CYSLTR2: variants seen among roughly 807,000 people sequenced by gnomAD.
CYSLTR2 encodes G-protein coupled receptor GPCR21.
For missense variants in CYSLTR2, 398 were observed against 411.9 expected, an observed-to-expected ratio of 0.97 and a Z score of 0.29; for synonymous variants, 179 against 160.8, an observed-to-expected ratio of 1.11 and a Z score of -0.86.
intron 1 of CYSLTR2, among the ~76,000 whole-genome samples, chr13:48,667,388 G>C (rs1353207179): frequency 6.6e-6 from 1 of 152,242 alleles, no homozygotes; most frequent in Non-Finnish European, 1.5e-5. Flanking sequence ...CCTGGGGGGT[G>C]GAGGGCATGC....
rs56867010 is a variant in CYSLTR2 at position 48,707,717 on chromosome 13, C to T, written c.900C>T (p.Phe300=). 5.0e-3 allele frequency: 8,121 copies of T among 1,612,914 alleles called. 166 individuals carry two copies. In the African/African-American group the frequency reaches 0.062, roughly 12 times the overall value. ...CCTTGGCAGCAGCCAATGCCTGCTT[C>T]AATCCTCTGCTCTATTACTTTGCTG... ...TLALAAANAC[F]NPLLYYFAGE... The change falls in exon 5 of 5, where the codon TTC becomes TTT. Residue 300 remains phenylalanine, a synonymous_variant. Transcript: ENST00000682523.
chr13:48,686,472 A>T (rs2138917462), intron 1 of CYSLTR2, among the ~76,000 whole-genome samples: 1 of 152,332 alleles, frequency 6.6e-6, no homozygotes, highest in East Asian at 1.9e-4. Flanking sequence ...TCCAGGAAGC[A>T]GGACTTTGCA....
intron 2 of CYSLTR2, among the ~76,000 whole-genome samples, chr13:48,692,849 A>G (rs1428595010): frequency 6.6e-6 from 1 of 151,502 alleles, no homozygotes; most frequent in African/African-American, 2.4e-5. Flanking sequence ...AGGAATTTGC[A>G]TGTTTTGTTA....
intron 4 of CYSLTR2, among the ~76,000 whole-genome samples, chr13:48,704,127 G>A (rs759832898): frequency 6.6e-5 from 10 of 151,156 alleles, no homozygotes; most frequent in Middle Eastern, 3.4e-3. Context: ...CTTTTTTTTC[G>A]TACCTCTTGC....
At chr13:48,693,683 A>C (rs2138950308) in intron 3 of CYSLTR2, among the ~76,000 whole-genome samples, 173 bp downstream of exon 3, 1 of 152,300 alleles carries the variant, frequency 6.6e-6, no homozygotes, top group Admixed American at 6.5e-5. Context: ...TATATGTAAA[A>C]GAATAGATTT....
At chr13:48,700,038 A>C (rs1273442004) in intron 4 of CYSLTR2, among the ~76,000 whole-genome samples, 1 of 152,184 alleles carries the variant, frequency 6.6e-6, no homozygotes, top group Non-Finnish European at 1.5e-5. Context: ...TATCCTACCA[A>C]CCAAAAAAAG....
At chr13:48,684,116 G>T (rs928280387) in intron 1 of CYSLTR2, among the ~76,000 whole-genome samples, 7 of 151,458 alleles carry the variant, frequency 4.6e-5, no homozygotes, top group African/African-American at 1.7e-4. Flanking sequence ...TAGAGATCGG[G>T]GGGGGTCTCA....
chr13:48,706,036 G>A (rs1207733430), intron 4 of CYSLTR2, among the ~76,000 whole-genome samples: 1 of 117,964 alleles, frequency 8.5e-6, no homozygotes, highest in African/African-American at 3.2e-5. Context: ...CGCTCTTGTT[G>A]CCCCAGCTGG....
intron 1 of CYSLTR2, among the ~76,000 whole-genome samples, chr13:48,669,617 T>C (rs559147368): frequency 6.6e-6 from 1 of 152,236 alleles, no homozygotes; most frequent in Non-Finnish European, 1.5e-5. Flanking sequence ...CTCATTATTT[T>C]TTATGGCTGC....
chr13:48,668,357 GA>G (rs1953322681), intron 1 of CYSLTR2, among the ~76,000 whole-genome samples: 1 of 152,158 alleles, frequency 6.6e-6, no homozygotes, highest in East Asian at 1.9e-4. Flanking sequence ...GGTTGAGGAA[GA>G]GGGGGGAATA....
At chr13:48,689,221 A>C (rs1953973550) in intron 1 of CYSLTR2, among the ~76,000 whole-genome samples, 1 of 152,088 alleles carries the variant, frequency 6.6e-6, no homozygotes, top group African/African-American at 2.4e-5. Context: ...GTTCACTCTG[A>C]TGATAGTTGC....
chr13:48,654,871 T>G (rs1006531674), intron 1 of CYSLTR2, among the ~76,000 whole-genome samples: 1 of 152,188 alleles, frequency 6.6e-6, no homozygotes, highest in African/African-American at 2.4e-5. Flanking sequence ...TAATGGGTGG[T>G]CAGCATAAAA....
intron 1 of CYSLTR2, among the ~76,000 whole-genome samples, chr13:48,654,290 TGTGTGTGTGTGTGTGA>T (rs58561892): frequency 0.16 from 20,360 of 126,232 alleles, 1,268 homozygotes; most frequent in East Asian, 0.21. Context: ...TGTGTGTGTG[TGTGTGTGTGTGTGTGA>T]GTGTGTGTGT....
At chr13:48,694,987 TA>T (rs941450394) in intron 3 of CYSLTR2, among the ~76,000 whole-genome samples, 101 of 142,608 alleles carry the variant, frequency 7.1e-4, no homozygotes, top group African/African-American at 1.9e-3. Context: ...CATGCACATG[TA>T]AAAAAAAAAT....
Position 48,709,197 on chromosome 13 carries a change from A to G in CYSLTR2, c.*1339A>G, listed in dbSNP as rs1363878308. 1 of 167,092 alleles carries G rather than the reference A, an allele frequency of 6.0e-6. No homozygotes were observed. The highest frequency in any genetic ancestry group is 1.5e-5 in the Non-Finnish European group (1 of 68,140). 10.4% of individuals were successfully genotyped at this position (167,092 alleles called of 1,614,324 possible). A position where few individuals can be genotyped will look rare whatever the true frequency, so the allele number is the denominator to read the frequency against. The stretch of plus-strand genomic sequence containing the variant: ...TAAACTTCCAGGAAGATTGGTTGAA[A>G]GTCTGAATAAAAGCTGTCCTTTCCT... On this transcript the variant is annotated 3_prime_UTR_variant, in exon 5 of 5. Coordinates refer to ENST00000682523, the MANE Select transcript of CYSLTR2 (RefSeq NM_001308476.3).
chr13:48,668,233 A>AT (rs1313296867), intron 1 of CYSLTR2, among the ~76,000 whole-genome samples: 4 of 151,568 alleles, frequency 2.6e-5, no homozygotes, highest in African/African-American at 9.7e-5. Context: ...TGCCATAGGG[A>AT]TAAAAAAAAA....
chr13:48,677,111 G>A (rs1312006977), intron 1 of CYSLTR2, among the ~76,000 whole-genome samples: 1 of 152,114 alleles, frequency 6.6e-6, no homozygotes, highest in Non-Finnish European at 1.5e-5. Context: ...AAAACCATGA[G>A]GCCTCAGGGC....
At chr13:48,703,872 T>C (rs1414718599) in intron 4 of CYSLTR2, among the ~76,000 whole-genome samples, 1 of 152,196 alleles carries the variant, frequency 6.6e-6, no homozygotes, top group East Asian at 1.9e-4. Context: ...GGTTTCTTTT[T>C]TGAGAGTTTT....
chr13:48,680,800 C>CTTTTTTTTTTTTTTTTTTTTTTT (rs139896583), intron 1 of CYSLTR2, among the ~76,000 whole-genome samples: 48 of 55,000 alleles, frequency 8.7e-4, no homozygotes, highest in East Asian at 2.5e-3. Flanking sequence ...CTTTTCTTTT[C>CTTTTTTTTTTTTTTTTTTTTTTT]TTTTTTTTTT....
Sources: allele counts gnomAD v4.1 joint callset (sites outside exome capture counted in the v4.1 genomes callset), GRCh38; gene constraint gnomAD v4.1.1; transcripts MANE v1.5; gene names NCBI Gene and HGNC (gene_info 2026-07-23, HGNC 2026-07-21).